The following ASPH variants were observed in gnomAD, a reference collection of about 807,000 sequenced individuals.
ASPH encodes the protein aspartyl/asparaginyl beta-hydroxylase.
Under a neutral mutation model 118.4 loss-of-function variants are expected in ASPH, and 100 were observed. The ratio of observed to expected loss-of-function variants is 0.84; its 90% CI spans 0.72 to 1.00. The LOEUF is 1.00. Among genes scored for constraint, ASPH ranks in the 50% least tolerant of loss-of-function variants. The probability of loss-of-function intolerance (pLI) is 0.00; values close to 1 mark genes in which losing one functional copy is unlikely to be tolerated. For missense variants in ASPH, 920 were observed against 919.5 expected (o/e 1.00, Z -0.01); for synonymous variants, 315 against 325.6 (o/e 0.97, Z 0.35).
At chr8:61,695,014 T>C (rs534002988) in intron 1 of ASPH, among the ~76,000 whole-genome samples, 23 of 152,330 alleles carry the variant, frequency 1.5e-4, no homozygotes, top group African/African-American at 5.5e-4. Flanking sequence ...AAACGGGTGA[T>C]TACAACGAGG....
At chr8:61,562,575 T>C (rs1031883660) in intron 18 of ASPH, among the ~76,000 whole-genome samples, 169 bp downstream of exon 18, 11 of 152,194 alleles carry the variant, frequency 7.2e-5, no homozygotes, top group Admixed American at 7.2e-4. Flanking sequence ...AATCTTCTGA[T>C]CTAGGAAGAA....
chr8:61,583,544 A>G (rs1838290636), intron 15 of ASPH: 1 of 150,070 alleles, frequency 6.7e-6, no homozygotes, highest in Non-Finnish European at 1.5e-5. Flanking sequence ...CTCTGTCCAA[A>G]AAAAAAAAAA....
At chr8:61,655,927 T>C (rs1029478327) in intron 3 of ASPH, among the ~76,000 whole-genome samples, 3 of 152,188 alleles carry the variant, frequency 2.0e-5, no homozygotes, top group African/African-American at 7.2e-5. Context: ...TATAAACTTT[T>C]TGAAACTTAA....
At chr8:61,525,947 C>T (rs748095039) in intron 22 of ASPH, 30 bp downstream of exon 22, 31 of 1,612,520 alleles carry the variant, frequency 1.9e-5, no homozygotes, top group Non-Finnish European at 2.5e-5. Context: ...GTTTGGGCTG[C>T]AGAGAACCAT....
chr8:61,585,569 A>G (rs1177942369), intron 14 of ASPH, among the ~76,000 whole-genome samples: 2 of 137,952 alleles, frequency 1.4e-5, no homozygotes, highest in African/African-American at 5.0e-5. Flanking sequence ...CACTCTCAGC[A>G]TCTCTCGTGT....
At chr8:61,644,116 T>C (rs1298870496) in intron 7 of ASPH, 115 bp from the exon 8 acceptor site, 12 of 824,696 alleles carry the variant, frequency 1.5e-5, no homozygotes, top group Non-Finnish European at 2.2e-5. Context: ...CAAGTCATAA[T>C]GATATTCAAA....
intron 3 of ASPH, among the ~76,000 whole-genome samples, chr8:61,678,039 A>G (rs895822118): frequency 1.3e-5 from 2 of 152,102 alleles, no homozygotes; most frequent in African/African-American, 4.8e-5. Context: ...GCTCAACCAA[A>G]GGGAATGCCT....
At chr8:61,596,850 A>G (rs1842635547) in intron 14 of ASPH, among the ~76,000 whole-genome samples, 2 of 152,250 alleles carry the variant, frequency 1.3e-5, no homozygotes, top group African/African-American at 4.8e-5. Context: ...GGAAGAAGAC[A>G]TGACACTTCC....
intron 24 of ASPH, among the ~76,000 whole-genome samples, chr8:61,513,750 G>T (rs1452994559): frequency 6.6e-6 from 1 of 152,198 alleles, no homozygotes; most frequent in Non-Finnish European, 1.5e-5. Flanking sequence ...AAACTGAGGG[G>T]CTGCCAAGTT....
intron 3 of ASPH, among the ~76,000 whole-genome samples, chr8:61,673,811 TTATC>T (rs1484787782): frequency 6.6e-6 from 1 of 152,098 alleles, no homozygotes; most frequent in East Asian, 1.9e-4. Flanking sequence ...TACCTTTATT[TTATC>T]TCTCTCACAC....
intron 10 of ASPH, among the ~76,000 whole-genome samples, chr8:61,639,653 T>C (rs1695273974): frequency 6.6e-6 from 1 of 152,184 alleles, no homozygotes; most frequent in Non-Finnish European, 1.5e-5. Context: ...CAGAGCTTGG[T>C]CCTGATGACC....
Position 61,511,857 on chromosome 8 carries a change from G to T in ASPH, c.2126+5671C>A, listed in dbSNP as rs189796250. On this transcript the variant is annotated intron_variant, in intron 24 of 24. Coordinates refer to ENST00000379454, the MANE Select transcript of ASPH (RefSeq NM_004318.4). ...GACCTCAAGTGATCCGCCTGCCTCG[G>T]CTTCCCAAAGTACTGGGATTACAGG... Among the ~76,000 whole-genome samples the T allele has an allele frequency of 3.9e-3, 596 of 152,256 alleles. 2 individuals are homozygous for T. The highest frequency in any genetic ancestry group is 0.014 in the African/African-American group (563 of 41,540).
At chr8:61,560,280 C>T (rs1006582607) in intron 18 of ASPH, among the ~76,000 whole-genome samples, 3 of 152,148 alleles carry the variant, frequency 2.0e-5, no homozygotes, top group African/African-American at 7.2e-5. Flanking sequence ...AAGAGAATCC[C>T]AGGAGGGGCC....
chr8:61,645,663 G>T (rs1001261334), intron 6 of ASPH, among the ~76,000 whole-genome samples: 2 of 152,112 alleles, frequency 1.3e-5, no homozygotes, highest in African/African-American at 2.4e-5. Flanking sequence ...TTGTGTGCTT[G>T]TATTTTTCAC....
chr8:61,692,138 T>C (rs759180022), intron 1 of ASPH, among the ~76,000 whole-genome samples: 1 of 152,238 alleles, frequency 6.6e-6, no homozygotes, highest in Non-Finnish European at 1.5e-5. Flanking sequence ...AATAATTGAA[T>C]AGTTATTTTG....
rs1804966866 is a variant in ASPH, at chr8:61,501,703, C to T, written c.*1656G>A. 1 of 152,128 alleles carries T rather than the reference C, an allele frequency of 6.6e-6. No individual in the cohort carries two copies. The highest frequency in any genetic ancestry group is 1.5e-5 in the Non-Finnish European group (1 of 68,022). 9.4% of individuals were successfully genotyped at this position (152,128 alleles called of 1,614,324 possible). ...AATTTGGATATTTTTCCTCCCATGC[C>T]TCTTCATCTGATTTAGTGGGATGTT... is the stretch of plus-strand genomic sequence containing the variant. On this transcript the variant is annotated 3_prime_UTR_variant, in exon 25 of 25. Transcript: ENST00000379454.
At chr8:61,514,499 G>T (rs1363925935) in intron 24 of ASPH, among the ~76,000 whole-genome samples, 13 of 152,030 alleles carry the variant, frequency 8.6e-5, no homozygotes, top group Admixed American at 8.5e-4. Flanking sequence ...CACAAGGTCA[G>T]GAGATCGAGA....
intron 3 of ASPH, chr8:61,661,834 A>C (rs1054078150): frequency 3.0e-5 from 12 of 396,600 alleles, no homozygotes; most frequent in African/African-American, 4.1e-5. Flanking sequence ...CCTCTGGATT[A>C]ATTCAAGTGT....
chr8:61,504,752 C>G (rs1330248219), intron 24 of ASPH, among the ~76,000 whole-genome samples: 3 of 152,132 alleles, frequency 2.0e-5, no homozygotes, highest in Non-Finnish European at 4.4e-5. Flanking sequence ...CCAGAAACAT[C>G]TCTAGTCATT....
Sources: allele counts gnomAD v4.1 joint callset (sites outside exome capture counted in the v4.1 genomes callset), GRCh38; gene constraint gnomAD v4.1.1; transcripts MANE v1.5; gene names NCBI Gene and HGNC (gene_info 2026-07-23, HGNC 2026-07-21).